SLC24A2: variants seen among roughly 807,000 people sequenced by gnomAD.
SLC24A2 encodes sodium/potassium/calcium exchanger 2.
Under a neutral mutation model 62.0 loss-of-function variants are expected in SLC24A2, and 36 were observed. The ratio of observed to expected loss-of-function variants is 0.58; its 90% CI spans 0.44 to 0.77. The LOEUF (loss-of-function observed/expected upper bound fraction) is 0.77. Ranked by LOEUF, SLC24A2 falls within the 30% of genes least tolerant of loss-of-function variation. The pLI is 0.00. For missense variants in SLC24A2, 846 were observed against 817.9 expected (o/e 1.03, Z -0.42); for synonymous variants, 358 against 294.0 (o/e 1.22, Z -2.23).
the SLC24A2 span, among the ~76,000 whole-genome samples, chr9:20,053,428 T>C: frequency 6.6e-6 from 1 of 152,216 alleles, no homozygotes; most frequent in Non-Finnish European, 1.5e-5. Context: ...CTTTTCACTC[T>C]CTTCACAAAG....
intron 2 of SLC24A2, among the ~76,000 whole-genome samples, chr9:19,694,176 G>A (rs1454043196): frequency 2.0e-5 from 3 of 151,700 alleles, no homozygotes; most frequent in Non-Finnish European, 4.4e-5. Flanking sequence ...TTACCTATTT[G>A]CACAGGAAAA....
In SLC24A2 at chr9:19,513,198, ATT is replaced by A. The variant is rs2132612069; in HGVS notation, c.*2953_*2954del. On this transcript the variant is annotated 3_prime_UTR_variant, in exon 11 of 11. Transcript: ENST00000341998. Reference sequence around the variant, plus strand: ...TATGTATATATATATATATGTATATATTTATATATGTATATACACAGGCATGC... The same window carrying A: ...TATGTATATATATATATATGTATATATATATATGTATATACACAGGCATGC... 7.0e-6 allele frequency: 1 copy of A among 143,066 alleles called. No homozygotes were observed. The highest frequency in any genetic ancestry group is 7.0e-5 in the Admixed American group (1 of 14,210). The allele number at this position is 143,066 out of a possible 1,614,324, so 8.9% of individuals were successfully genotyped here.
chr9:20,097,951 C>G, the SLC24A2 span, among the ~76,000 whole-genome samples: 1 of 151,580 alleles, frequency 6.6e-6, no homozygotes, highest in Non-Finnish European at 1.5e-5. Flanking sequence ...ACCATGTTAG[C>G]CAGTATGGTC....
chr9:19,731,745 G>T (rs1440220754), intron 2 of SLC24A2, among the ~76,000 whole-genome samples: 2 of 152,134 alleles, frequency 1.3e-5, no homozygotes, highest in African/African-American at 4.8e-5. Flanking sequence ...ATGTAGCATA[G>T]GTAAAACATC....
At chr9:20,098,301 G>A in the SLC24A2 span, among the ~76,000 whole-genome samples, 1 of 152,124 alleles carries the variant, frequency 6.6e-6, no homozygotes, top group Non-Finnish European at 1.5e-5. Flanking sequence ...AACTCAAACA[G>A]GAATCCATAA....
chr9:20,184,241 G>A, the SLC24A2 span, among the ~76,000 whole-genome samples: 1 of 152,284 alleles, frequency 6.6e-6, no homozygotes, highest in Non-Finnish European at 1.5e-5. Context: ...CTGTTTGAAT[G>A]CCTATTGTCA....
the SLC24A2 span, among the ~76,000 whole-genome samples, chr9:19,862,976 T>C: frequency 1.3e-5 from 2 of 151,730 alleles, no homozygotes; most frequent in Non-Finnish European, 3.0e-5. Context: ...AATAACAATA[T>C]GACAGGAGTA....
chr9:19,875,237 C>G, the SLC24A2 span, among the ~76,000 whole-genome samples: 2 of 152,172 alleles, frequency 1.3e-5, no homozygotes, highest in Admixed American at 6.5e-5. Context: ...TCAACTCTTT[C>G]AAGACTTGTG....
chr9:20,297,896 A>G, the SLC24A2 span, among the ~76,000 whole-genome samples: 15 of 152,292 alleles, frequency 9.8e-5, no homozygotes, highest in African/African-American at 3.6e-4. Context: ...CTAGACTCTG[A>G]GCAATCTGTG....
chr9:19,551,625 C>T (rs369721859), intron 7 of SLC24A2, among the ~76,000 whole-genome samples: 4 of 152,166 alleles, frequency 2.6e-5, no homozygotes, highest in African/African-American at 9.7e-5. Flanking sequence ...AAAGCTCCTA[C>T]CCCTGGGGCT....
At chr9:19,891,244 C>G in the SLC24A2 span, among the ~76,000 whole-genome samples, 5 of 152,158 alleles carry the variant, frequency 3.3e-5, no homozygotes, top group African/African-American at 9.7e-5. Flanking sequence ...GAGGGAGCCA[C>G]AGAAAATATT....
In SLC24A2 at chr9:19,578,378, C is replaced by T. The variant is rs1374330124; in HGVS notation, c.1130-1356G>A. ...TAAGCCAAAAAAAAAAAAAAAAAAG[C>T]AAGCAAAAGTGCAGAGATTAGGGAA... is the stretch of plus-strand genomic sequence containing the variant. On this transcript the variant is annotated intron_variant, in intron 5 of 10. Coordinates refer to ENST00000341998, the MANE Select transcript of SLC24A2 (RefSeq NM_020344.4). 7.0e-5 allele frequency among the ~76,000 whole-genome samples: 9 copies of T among 129,358 alleles called. No homozygotes were observed. In the East Asian group the frequency reaches 1.7e-3, roughly 24 times the overall value. 84.9% of individuals were successfully genotyped at this position (129,358 alleles called of 152,430 possible).
intron 2 of SLC24A2, among the ~76,000 whole-genome samples, chr9:19,638,261 G>C (rs1358718197): frequency 2.0e-5 from 3 of 152,154 alleles, no homozygotes; most frequent in African/African-American, 7.2e-5. Context: ...CCATTGGAGA[G>C]CACTGAGTTG....
At chr9:19,811,361 A>T in the SLC24A2 span, among the ~76,000 whole-genome samples, 1 of 152,246 alleles carries the variant, frequency 6.6e-6, no homozygotes, top group Non-Finnish European at 1.5e-5. Context: ...AAACTAAAAC[A>T]AAATATTTGG....
intron 2 of SLC24A2, among the ~76,000 whole-genome samples, chr9:19,753,049 C>G (rs1207931800): frequency 1.3e-5 from 2 of 152,172 alleles, no homozygotes; most frequent in Non-Finnish European, 1.5e-5. Flanking sequence ...CCCTCAGGTG[C>G]CAGGAGTAAG....
intron 2 of SLC24A2, among the ~76,000 whole-genome samples, chr9:19,652,764 C>T (rs928019090): frequency 6.6e-6 from 1 of 152,140 alleles, no homozygotes; most frequent in African/African-American, 2.4e-5. Flanking sequence ...ATCCTCGTGC[C>T]TATTCAAAAT....
chr9:19,564,210 A>AT (rs1835554720), intron 7 of SLC24A2, among the ~76,000 whole-genome samples: 1 of 151,964 alleles, frequency 6.6e-6, no homozygotes, highest in African/African-American at 2.4e-5. Context: ...TAGTAGGAAG[A>AT]TATTTTTGAG....
the SLC24A2 span, among the ~76,000 whole-genome samples, chr9:19,903,258 G>A: frequency 2.0e-5 from 3 of 152,152 alleles, no homozygotes; most frequent in East Asian, 3.8e-4. Context: ...GGTTGTTGGT[G>A]AAGGCCCTCC....
At chr9:20,118,142 A>T in the SLC24A2 span, among the ~76,000 whole-genome samples, 1 of 152,144 alleles carries the variant, frequency 6.6e-6, no homozygotes, top group Non-Finnish European at 1.5e-5. Flanking sequence ...ATTGTGGCTC[A>T]TAGGCGACTT....
Sources: allele counts gnomAD v4.1 joint callset (sites outside exome capture counted in the v4.1 genomes callset), GRCh38; gene constraint gnomAD v4.1.1; transcripts MANE v1.5; gene names NCBI Gene and HGNC (gene_info 2026-07-23, HGNC 2026-07-21).